GATAD1: variants seen among roughly 807,000 people sequenced by gnomAD.
The protein encoded by GATAD1 is GATA zinc finger domain-containing protein 1.
Under a neutral mutation model 26.5 loss-of-function variants are expected in GATAD1, and 12 were observed. The ratio of observed to expected loss-of-function variants is 0.45; its 90% CI spans 0.29 to 0.73. The LOEUF (loss-of-function observed/expected upper bound fraction) is 0.73. Ranked by LOEUF, GATAD1 falls within the 30% of genes least tolerant of loss-of-function variation. The pLI, the probability that GATAD1 is intolerant of heterozygous loss-of-function variation, is 0.10. For synonymous variants in GATAD1, 129 were observed against 133.1 expected (o/e 0.97, Z 0.21); for missense variants, 266 against 342.1 (o/e 0.78, Z 1.75).
At chr7:92,486,501 G>A in the GATAD1 span, among the ~76,000 whole-genome samples, 2 of 152,112 alleles carry the variant, frequency 1.3e-5, no homozygotes, top group East Asian at 3.9e-4. Flanking sequence ...TGCAATGCAG[G>A]GTGACGTGTC....
At position 92,447,529 on chromosome 7, in the gene GATAD1, TCCGCCTGCGGAGCCGG is replaced by T; in HGVS notation, c.-199_-184del. The T allele has an allele frequency of 1.9e-6, 1 of 527,980 alleles. No individual in the cohort carries two copies. Among genetic ancestry groups the T allele is most frequent in the Non-Finnish European group, 2.9e-6 (1 of 345,644 alleles). The allele number at this position is 527,980 out of a possible 1,614,324, so 32.7% of individuals were successfully genotyped here. A position where few individuals can be genotyped will look rare whatever the true frequency, so the allele number is the denominator to read the frequency against. ...TGCCTCGGGCCAGGGAATCCTGGCCTCCGCCTGCGGAGCCGGCGGAACCCGCTTCCCGCCTCCACGG... is the reference window on the plus strand; with the variant it reads ...TGCCTCGGGCCAGGGAATCCTGGCCTCGGAACCCGCTTCCCGCCTCCACGG... On this transcript the variant is annotated 5_prime_UTR_variant, in exon 1 of 5. Coordinates refer to ENST00000287957, the MANE Select transcript of GATAD1 (RefSeq NM_021167.5).
intron 4 of GATAD1, 84 bp from the exon 5 acceptor site, chr7:92,456,288 C>T: frequency 1.2e-6 from 1 of 852,178 alleles, no homozygotes. Flanking sequence ...GTGGTCTCTC[C>T]CAGTGTCTAG....
intron 1 of GATAD1, 148 bp from the exon 2 acceptor site, chr7:92,448,600 ATTAC>A (rs1207586853): frequency 2.9e-6 from 2 of 688,568 alleles, no homozygotes; most frequent in East Asian, 2.5e-5. Flanking sequence ...AGTTGCTGTA[ATTAC>A]TTCTCTTGAA....
At chr7:92,489,922 A>C in the GATAD1 span, 1 of 1,608,210 alleles carries the variant, frequency 6.2e-7, no homozygotes. Flanking sequence ...CTGCATGGTA[A>C]ATTGTAGTAA....
the GATAD1 span, chr7:92,469,977 T>C: frequency 1.4e-5 from 11 of 776,804 alleles, no homozygotes; most frequent in Non-Finnish European, 2.4e-5. Flanking sequence ...CCCGGGTGAG[T>C]TGGGAGATTA....
rs1311208792 is a variant in GATAD1, at chr7:92,456,482, C to A, written c.730C>A (p.Pro244Thr). ...SSPFPTVPTR[P>T]EKGYIWTHVG... ...ACCATTTCCCACAGTTCCCACCAGA[C>A]CAGAGAAGGGCTACATATGGACTCA... The change falls in exon 5 of 5, where the codon CCA becomes ACA. Residue 244 changes from proline to threonine, a missense_variant. Pro to Thr is a conservative substitution (Grantham distance 38). Coordinates refer to ENST00000287957, the MANE Select transcript of GATAD1 (RefSeq NM_021167.5). 2 of 1,612,340 alleles carry A rather than the reference C, an allele frequency of 1.2e-6. No homozygotes were observed. Among genetic ancestry groups the A allele is most frequent in the Non-Finnish European group, 1.7e-6 (2 of 1,178,346 alleles).
the GATAD1 span, among the ~76,000 whole-genome samples, chr7:92,465,869 C>T: frequency 6.6e-6 from 1 of 151,956 alleles, no homozygotes; most frequent in Non-Finnish European, 1.5e-5. Context: ...GGCGTGGTGG[C>T]ACATCCCTGT....
chr7:92,490,046 G>T, the GATAD1 span: 1 of 741,052 alleles, frequency 1.3e-6, no homozygotes. Context: ...TTAATTAACT[G>T]AAATTAAGCA....
the GATAD1 span, chr7:92,468,935 CA>C: frequency 1.3e-6 from 1 of 764,070 alleles, no homozygotes; most frequent in Admixed American, 1.7e-5. Context: ...TGTAGTTTTA[CA>C]GCTTCGATTC....
intron 4 of GATAD1, among the ~76,000 whole-genome samples, chr7:92,455,665 A>G (rs1789639513): frequency 6.6e-6 from 1 of 152,234 alleles, no homozygotes; most frequent in Non-Finnish European, 1.5e-5. Flanking sequence ...GCATCCTGAG[A>G]ACAAGCATAA....
the GATAD1 span, chr7:92,491,689 C>T: frequency 1.8e-6 from 1 of 566,528 alleles, no homozygotes; most frequent in Non-Finnish European, 3.1e-6. Flanking sequence ...ATTATAAAGA[C>T]AAGATAGAAT....
intron 3 of GATAD1, 50 bp from the exon 4 acceptor site, chr7:92,454,452 T>A (rs764652132): frequency 7.3e-7 from 1 of 1,374,548 alleles, no homozygotes; most frequent in Non-Finnish European, 1.0e-6. Flanking sequence ...TTCATAGCTG[T>A]GATGTTCTAT....
chr7:92,469,283 T>C, the GATAD1 span: 12 of 764,282 alleles, frequency 1.6e-5, no homozygotes, highest in South Asian at 1.5e-4. Flanking sequence ...TCTTGCAAGG[T>C]GACCAGGGAG....
chr7:92,464,237 G>C (rs1351246388), downstream of GATAD1, among the ~76,000 whole-genome samples: 1 of 152,218 alleles, frequency 6.6e-6, no homozygotes, highest in Non-Finnish European at 1.5e-5. Context: ...TGCATGTGAT[G>C]TGAGGTGTGT....
the GATAD1 span, among the ~76,000 whole-genome samples, chr7:92,488,096 C>G: frequency 1.3e-5 from 2 of 152,074 alleles, no homozygotes; most frequent in Non-Finnish European, 2.9e-5. Flanking sequence ...TGTGGCATAG[C>G]TACACTATAA....
At chr7:92,493,109 T>C in the GATAD1 span, 1 of 1,605,634 alleles carries the variant, frequency 6.2e-7, no homozygotes. Context: ...TGAGGACATT[T>C]AAAATTTCAA....
intron 2 of GATAD1, chr7:92,449,543 G>T: frequency 3.1e-6 from 3 of 972,864 alleles, no homozygotes; most frequent in Non-Finnish European, 3.7e-6. Context: ...TTAAGTCTCA[G>T]TATGATATTC....
At chr7:92,489,306 T>C in the GATAD1 span, 5 of 1,613,746 alleles carry the variant, frequency 3.1e-6, no homozygotes, top group Non-Finnish European at 4.2e-6. Flanking sequence ...TCAGCAAAAT[T>C]CTTCCAGTCA....
chr7:92,482,688 G>T, the GATAD1 span, among the ~76,000 whole-genome samples: 1 of 152,132 alleles, frequency 6.6e-6, no homozygotes, highest in Non-Finnish European at 1.5e-5. Context: ...TGGGAAGAAG[G>T]GCGGCAAGGA....
Sources: allele counts gnomAD v4.1 joint callset (sites outside exome capture counted in the v4.1 genomes callset), GRCh38; gene constraint gnomAD v4.1.1; transcripts MANE v1.5; gene names NCBI Gene and HGNC (gene_info 2026-07-23, HGNC 2026-07-21).